FAM227B: variants seen among roughly 807,000 people sequenced by gnomAD.
FAM227B encodes family with sequence similarity 227 member B, also known as protein FAM227B.
FAM227B carries 88 observed loss-of-function variants against 73.8 expected under a neutral mutation model. That is an observed-to-expected ratio of 1.19 (90% CI 1.00 to 1.42). The LOEUF (loss-of-function observed/expected upper bound fraction) is 1.42, where lower values mean the gene tolerates loss of function less well. FAM227B is among the 40% of genes most tolerant of loss of function. The pLI, the probability that FAM227B is intolerant of heterozygous loss-of-function variation, is 0.00. For synonymous variants in FAM227B, 210 were observed against 190.5 expected (o/e 1.10, Z -0.84); for missense variants, 632 against 590.9 (o/e 1.07, Z -0.72).
intron 11 of FAM227B, among the ~76,000 whole-genome samples, chr15:49,393,517 C>T (rs2047359556): frequency 1.3e-5 from 2 of 152,006 alleles, no homozygotes; most frequent in South Asian, 4.2e-4. Flanking sequence ...AGGTGGGTTC[C>T]CAATCTTCAC....
intron 10 of FAM227B, among the ~76,000 whole-genome samples, chr15:49,538,345 G>C (rs537402763): frequency 3.9e-5 from 6 of 152,128 alleles, no homozygotes; most frequent in Non-Finnish European, 8.8e-5. Context: ...CTGGAACCTG[G>C]AGCACTTCAT....
chr15:49,513,037 A>C (rs138706842), intron 10 of FAM227B, among the ~76,000 whole-genome samples: 250 of 152,096 alleles, frequency 1.6e-3, no homozygotes, highest in African/African-American at 5.8e-3. Flanking sequence ...CATGTCTTTG[A>C]TATTGTGAAT....
intron 3 of FAM227B, among the ~76,000 whole-genome samples, chr15:49,593,854 A>G (rs1482145248): frequency 1.3e-5 from 2 of 152,196 alleles, no homozygotes; most frequent in East Asian, 3.8e-4. Flanking sequence ...GGCTGGTTCC[A>G]TATTTTTGCA....
At chr15:49,340,195 C>G (rs552878070) in intron 13 of FAM227B, among the ~76,000 whole-genome samples, 1 of 152,326 alleles carries the variant, frequency 6.6e-6, no homozygotes, top group East Asian at 1.9e-4. Flanking sequence ...AGCTTGGTGT[C>G]TACCCAAACA....
At chr15:49,550,311 C>A (rs866659507) in intron 9 of FAM227B, among the ~76,000 whole-genome samples, 6 of 139,804 alleles carry the variant, frequency 4.3e-5, no homozygotes, top group African/African-American at 1.6e-4. Context: ...ACCTCCCGGA[C>A]GGGGCGGCTG....
chr15:49,553,504 T>TC (rs1364998629), intron 9 of FAM227B, among the ~76,000 whole-genome samples: 1 of 152,178 alleles, frequency 6.6e-6, no homozygotes, highest in African/African-American at 2.4e-5. Context: ...CCTGTGTCCT[T>TC]CCCTTCAGGG....
intron 9 of FAM227B, among the ~76,000 whole-genome samples, chr15:49,550,023 C>T (rs2072630315): frequency 7.2e-6 from 1 of 138,764 alleles, no homozygotes; most frequent in South Asian, 2.3e-4. Flanking sequence ...GACCCCCCCA[C>T]CTCCCTCCCG....
chr15:49,430,636 T>G (rs2050525761), intron 11 of FAM227B, among the ~76,000 whole-genome samples: 1 of 151,872 alleles, frequency 6.6e-6, no homozygotes, highest in African/African-American at 2.4e-5. Flanking sequence ...GCCTGCTTGC[T>G]GTGTCATTCC....
At chr15:49,609,138 A>G (rs902369493) in intron 3 of FAM227B, among the ~76,000 whole-genome samples, 7 of 151,944 alleles carry the variant, frequency 4.6e-5, no homozygotes, top group Non-Finnish European at 7.4e-5. Flanking sequence ...GAGAGCTGAC[A>G]CTGATACAAC....
At chr15:49,535,995 C>A (rs2060981454) in intron 10 of FAM227B, among the ~76,000 whole-genome samples, 1 of 148,914 alleles carries the variant, frequency 6.7e-6, no homozygotes, top group Non-Finnish European at 1.5e-5. Flanking sequence ...CCACTAAGAT[C>A]CAGTACAAGA....
chr15:49,509,114 A>G (rs1391263482), intron 10 of FAM227B, among the ~76,000 whole-genome samples: 11 of 152,192 alleles, frequency 7.2e-5, no homozygotes, highest in Admixed American at 7.2e-4. Flanking sequence ...GCTTTAGTGC[A>G]TAGGAGCTAC....
intron 11 of FAM227B, among the ~76,000 whole-genome samples, chr15:49,501,940 A>G (rs1035736326): frequency 2.6e-5 from 4 of 152,244 alleles, no homozygotes; most frequent in African/African-American, 7.2e-5. Flanking sequence ...TAAAAGGTCC[A>G]GGTACAGCTT....
chr15:49,437,998 G>A (rs149453888), intron 11 of FAM227B, among the ~76,000 whole-genome samples: 1 of 151,720 alleles, frequency 6.6e-6, no homozygotes, highest in African/African-American at 2.4e-5. Flanking sequence ...GGTAGGAAAT[G>A]GGGAAGGGAG....
intron 11 of FAM227B, among the ~76,000 whole-genome samples, chr15:49,496,339 A>G (rs2057603006): frequency 6.6e-6 from 1 of 152,222 alleles, no homozygotes; most frequent in Non-Finnish European, 1.5e-5. Context: ...TTAGCTTTAA[A>G]ATCCAACAAA....
At chr15:49,402,712 G>T (rs1479596360) in intron 11 of FAM227B, among the ~76,000 whole-genome samples, 1 of 152,082 alleles carries the variant, frequency 6.6e-6, no homozygotes, top group Non-Finnish European at 1.5e-5. Flanking sequence ...CTAGATATAG[G>T]ATCATGTCAT....
intron 11 of FAM227B, among the ~76,000 whole-genome samples, chr15:49,384,925 C>A (rs918068371): frequency 6.6e-6 from 1 of 151,900 alleles, no homozygotes; most frequent in African/African-American, 2.4e-5. Flanking sequence ...ACATACTATT[C>A]TGTTTTTCAG....
intron 11 of FAM227B, among the ~76,000 whole-genome samples, chr15:49,500,641 T>C (rs1426278800): frequency 2.0e-5 from 3 of 152,370 alleles, no homozygotes; most frequent in Admixed American, 1.3e-4. Flanking sequence ...TGTATACTGG[T>C]AGAAATGTAA....
intron 10 of FAM227B, among the ~76,000 whole-genome samples, chr15:49,531,829 T>C (rs1042110043): frequency 7.2e-5 from 11 of 151,966 alleles, no homozygotes; most frequent in Non-Finnish European, 1.3e-4. Context: ...TCAGCACTTA[T>C]TCATTTCCTT....
At chr15:49,551,753 T>C (rs1409887314) in intron 9 of FAM227B, among the ~76,000 whole-genome samples, 1 of 152,208 alleles carries the variant, frequency 6.6e-6, no homozygotes, top group Admixed American at 6.5e-5. Context: ...TTTTTGTGTA[T>C]CTACTGTATG....
Sources: gnomAD v4.1 joint callset for allele counts (sites outside exome capture counted in the v4.1 genomes callset) on GRCh38, gnomAD v4.1.1 for gene constraint, MANE v1.5 for transcripts, NCBI Gene and HGNC (gene_info 2026-07-23, HGNC 2026-07-21) for gene names.